Variants in RASAL2 observed in about 807,000 individuals in gnomAD.
RASAL2 encodes the protein ras GTPase-activating protein nGAP.
Under a neutral mutation model 128.9 loss-of-function variants are expected in RASAL2, and 58 were observed. The observed-to-expected ratio is 0.45, with a 90% CI of 0.36 to 0.56. The LOEUF (loss-of-function observed/expected upper bound fraction) is 0.56, where lower values mean the gene tolerates loss of function less well. Among genes scored for constraint, RASAL2 ranks in the 20% least tolerant of loss-of-function variants. The pLI, the probability that RASAL2 is intolerant of heterozygous loss-of-function variation, is 0.00. For missense variants in RASAL2, 1,360 were observed against 1,601.6 expected (o/e 0.85, Z 2.57); for synonymous variants, 561 against 580.8 (o/e 0.97, Z 0.49).
At chr1:178,319,935 T>C (rs1011840872) in intron 3 of RASAL2, among the ~76,000 whole-genome samples, 3 of 152,334 alleles carry the variant, frequency 2.0e-5, no homozygotes, top group Admixed American at 6.5e-5. Context: ...TTATCTACTT[T>C]TGGTCTTTGA....
chr1:178,451,920 T>A (rs1165689085), intron 10 of RASAL2, among the ~76,000 whole-genome samples: 1 of 152,218 alleles, frequency 6.6e-6, no homozygotes, highest in Non-Finnish European at 1.5e-5. Flanking sequence ...ACTTTTGAAC[T>A]GGCTATCTAC....
At chr1:178,098,680 A>G (rs1658782289) in intron 1 of RASAL2, among the ~76,000 whole-genome samples, 1 of 152,208 alleles carries the variant, frequency 6.6e-6, no homozygotes, top group African/African-American at 2.4e-5. Flanking sequence ...TCAGCACAAG[A>G]AAGGGATCAA....
At chr1:178,324,336 C>T (rs1668929605) in intron 3 of RASAL2, among the ~76,000 whole-genome samples, 1 of 151,570 alleles carries the variant, frequency 6.6e-6, no homozygotes, top group African/African-American at 2.4e-5. Context: ...GGGAGGATTG[C>T]TTTGGTCCAG....
intron 3 of RASAL2, among the ~76,000 whole-genome samples, chr1:178,383,023 G>A (rs1319941487): frequency 6.6e-6 from 1 of 152,016 alleles, no homozygotes; most frequent in Non-Finnish European, 1.5e-5. Context: ...AATACTTGTG[G>A]GTGGTATTCA....
intron 3 of RASAL2, among the ~76,000 whole-genome samples, chr1:178,388,597 T>C (rs1199056790): frequency 6.6e-6 from 1 of 152,206 alleles, no homozygotes; most frequent in Non-Finnish European, 1.5e-5. Flanking sequence ...CAATTTGGCT[T>C]GTGCCTTACC....
intron 3 of RASAL2, among the ~76,000 whole-genome samples, chr1:178,351,216 G>C (rs755159303): frequency 6.6e-6 from 1 of 152,172 alleles, no homozygotes; most frequent in Non-Finnish European, 1.5e-5. Flanking sequence ...TTTGACATGA[G>C]ATTTGGGCAG....
At position 178,251,449 on chromosome 1, in the gene RASAL2, C is replaced by T. The variant is rs565517889; in HGVS notation, c.203-32115C>T. 1.7e-4 allele frequency among the ~76,000 whole-genome samples: 26 copies of T among 152,226 alleles called. No individual in the cohort carries two copies. In the East Asian group the frequency reaches 4.4e-3, roughly 26 times the overall value. The stretch of plus-strand genomic sequence containing the variant: ...TAAGAAATGTAGATACTTGCTGCCA[C>T]AGTATACTAAAACTATATGTAAAAA... On this transcript the variant is annotated intron_variant, in intron 1 of 17. Transcript: ENST00000367649.
Position 178,403,558 on chromosome 1 carries a change from A to G in RASAL2, c.564+13352A>G, listed in dbSNP as rs188280186. Among the ~76,000 whole-genome samples the G allele has an allele frequency of 1.6e-3, 247 of 152,332 alleles. No homozygotes were observed. The Middle Eastern group carries it at 0.027, about 17-fold the overall frequency. On this transcript the variant is annotated intron_variant, in intron 4 of 17. Transcript: ENST00000367649. ...GGGAGAGACTAAGTCCTATTAGAGT[A>G]ATCAGGAATGGTTTCCTCAAGAATT...
intron 1 of RASAL2, among the ~76,000 whole-genome samples, chr1:178,281,807 G>A (rs565244011): frequency 2.2e-4 from 33 of 152,214 alleles, no homozygotes; most frequent in African/African-American, 7.5e-4. Context: ...CCTACGTGTG[G>A]TAAAATTGTA....
At chr1:178,362,457 T>TCTCCCTCC (rs906784351) in intron 3 of RASAL2, among the ~76,000 whole-genome samples, 23 of 151,114 alleles carry the variant, frequency 1.5e-4, no homozygotes, top group African/African-American at 5.6e-4. Flanking sequence ...TCCTTCCTTC[T>TCTCCCTCC]CTCCCTCCCT....
intron 1 of RASAL2, among the ~76,000 whole-genome samples, chr1:178,258,608 T>G (rs1267911746): frequency 6.6e-6 from 1 of 152,216 alleles, no homozygotes; most frequent in Non-Finnish European, 1.5e-5. Flanking sequence ...AAAAGTCAGA[T>G]AATAACAAGT....
chr1:178,385,192 C>A (rs941679149), intron 3 of RASAL2, among the ~76,000 whole-genome samples: 1 of 152,106 alleles, frequency 6.6e-6, no homozygotes, highest in Non-Finnish European at 1.5e-5. Flanking sequence ...TTGGCTCAAG[C>A]CTGTAACCCT....
chr1:178,200,424 T>C (rs1381036719), intron 1 of RASAL2, among the ~76,000 whole-genome samples: 2 of 152,222 alleles, frequency 1.3e-5, no homozygotes, highest in Admixed American at 1.3e-4. Context: ...ACATAATACC[T>C]TTGACCATAT....
At chr1:178,441,470 G>T in intron 6 of RASAL2, 79 bp from the exon 7 acceptor site, 1 of 928,844 alleles carries the variant, frequency 1.1e-6, no homozygotes, top group South Asian at 1.4e-5. Context: ...TTAAGAGTTA[G>T]AGGTATGCTG....
At chr1:178,170,380 A>G (rs1307092490) in intron 1 of RASAL2, among the ~76,000 whole-genome samples, 2 of 151,814 alleles carry the variant, frequency 1.3e-5, no homozygotes, top group Admixed American at 6.6e-5. Context: ...TGGTAGTAGC[A>G]TAATGGAGGA....
At chr1:178,436,149 C>G (rs1000214894) in intron 5 of RASAL2, among the ~76,000 whole-genome samples, 6 of 152,080 alleles carry the variant, frequency 3.9e-5, no homozygotes, top group Admixed American at 3.3e-4. Context: ...CAAGCCAGTC[C>G]CAGGCTGTTT....
intron 9 of RASAL2, among the ~76,000 whole-genome samples, chr1:178,448,611 T>C: frequency 6.6e-6 from 1 of 152,092 alleles, no homozygotes; most frequent in East Asian, 1.9e-4. Flanking sequence ...CCATAAATTA[T>C]ATCTCATGAT....
In RASAL2 at chr1:178,162,876, C is replaced by T. The variant is rs532807168; in HGVS notation, c.202+68182C>T. Among the ~76,000 whole-genome samples the T allele has an allele frequency of 3.3e-5, 5 of 151,590 alleles. No individual in the cohort carries two copies. The South Asian group carries it at 8.3e-4, about 25-fold the overall frequency. On this transcript the variant is annotated intron_variant, in intron 1 of 17. Coordinates refer to ENST00000367649, the MANE Select transcript of RASAL2 (RefSeq NM_170692.4). ...GTGCTGGGATTGTGAGCCACTGTGC[C>T]CAGCTGAGATTTCTTTATATATACT...
intron 1 of RASAL2, among the ~76,000 whole-genome samples, chr1:178,163,353 G>A (rs112930254): frequency 0.021 from 3,176 of 151,912 alleles, 97 homozygotes; most frequent in African/African-American, 0.069. Context: ...GTGCTTTTTT[G>A]TGTCATAGCC....
Sources: allele counts gnomAD v4.1 joint callset (sites outside exome capture counted in the v4.1 genomes callset), GRCh38; gene constraint gnomAD v4.1.1; transcripts MANE v1.5; gene names NCBI Gene and HGNC (gene_info 2026-07-23, HGNC 2026-07-21).